Variants in BRINP3 observed in about 807,000 individuals in gnomAD.
BRINP3 encodes the protein BMP/retinoic acid-inducible neural-specific protein 3.
BRINP3 carries 19 observed loss-of-function variants against 71.0 expected under a neutral mutation model. The ratio of observed to expected loss-of-function variants is 0.27; its 90% CI spans 0.19 to 0.39. The LOEUF is 0.39. BRINP3 is among the 10% of genes least tolerant of loss of function. The pLI, the probability that BRINP3 is intolerant of heterozygous loss-of-function variation, is 1.00. For missense variants in BRINP3, 959 were observed against 940.8 expected, an observed-to-expected ratio of 1.02 and a Z score of -0.25; for synonymous variants, 380 against 337.7, an observed-to-expected ratio of 1.13 and a Z score of -1.37.
chr1:190,302,801 G>A (rs944020660), intron 2 of BRINP3: 1 of 151,702 alleles, frequency 6.6e-6, no homozygotes, highest in African/African-American at 2.4e-5. Flanking sequence ...GGTAAGTGCT[G>A]TATATATTTA....
At chr1:190,192,815 T>C (rs1395087725) in intron 6 of BRINP3, among the ~76,000 whole-genome samples, 1 of 152,140 alleles carries the variant, frequency 6.6e-6, no homozygotes, top group African/African-American at 2.4e-5. Context: ...GGTTGGGCTT[T>C]GATTCACATG....
chr1:190,207,630 C>T (rs978879027), intron 6 of BRINP3, among the ~76,000 whole-genome samples: 12 of 151,864 alleles, frequency 7.9e-5, no homozygotes, highest in African/African-American at 2.2e-4. Flanking sequence ...TGGAGAAGGT[C>T]GAAAGGACAT....
At chr1:190,301,242 T>C (rs202240069) in intron 2 of BRINP3, among the ~76,000 whole-genome samples, 4,415 of 110,800 alleles carry the variant, frequency 0.04, 100 homozygotes, top group South Asian at 0.089. Context: ...TATACACACA[T>C]ACATATATAT....
At chr1:190,441,380 C>T (rs1674809381) in intron 2 of BRINP3, among the ~76,000 whole-genome samples, 1 of 152,072 alleles carries the variant, frequency 6.6e-6, no homozygotes, top group Non-Finnish European at 1.5e-5. Context: ...CTATATCTCA[C>T]ATCTGTCCAA....
rs547701968 is a variant in BRINP3 at position 190,215,797 on chromosome 1, G to A, written c.961+10285C>T. On this transcript the variant is annotated intron_variant, in intron 6 of 7. Coordinates refer to ENST00000367462, the MANE Select transcript of BRINP3 (RefSeq NM_199051.3). ...AATGTCTCTACATTTAATAGGACACGATGCTGATAAAGACATATGTTGACA... is the reference window on the plus strand; with the variant it reads ...AATGTCTCTACATTTAATAGGACACAATGCTGATAAAGACATATGTTGACA... 2.5e-3 allele frequency among the ~76,000 whole-genome samples: 376 copies of A among 151,940 alleles called. 1 individual carries two copies. The highest frequency in any genetic ancestry group is 8.7e-3 in the African/African-American group (363 of 41,532).
At chr1:190,123,229 T>C (rs954279635) in intron 7 of BRINP3, among the ~76,000 whole-genome samples, 1 of 152,100 alleles carries the variant, frequency 6.6e-6, no homozygotes, top group African/African-American at 2.4e-5. Flanking sequence ...TCAGCAGTGA[T>C]GAAAACCCAT....
At chr1:190,375,867 T>A (rs1670152626) in intron 2 of BRINP3, among the ~76,000 whole-genome samples, 1 of 152,072 alleles carries the variant, frequency 6.6e-6, no homozygotes, top group Admixed American at 6.6e-5. Context: ...TTAGTGATTT[T>A]GTTTTTCCAT....
intron 1 of BRINP3, among the ~76,000 whole-genome samples, chr1:190,468,781 TGA>T (rs997498606): frequency 1.3e-5 from 2 of 150,942 alleles, no homozygotes; most frequent in Non-Finnish European, 3.0e-5. Flanking sequence ...CACTCAAAAG[TGA>T]GTTAGTTGCA....
intron 2 of BRINP3, among the ~76,000 whole-genome samples, chr1:190,454,118 A>G (rs1675830033): frequency 6.6e-6 from 1 of 152,212 alleles, no homozygotes; most frequent in Non-Finnish European, 1.5e-5. Flanking sequence ...ATATATCTTT[A>G]TCCCATCCAT....
At chr1:190,188,628 T>C (rs1033533557) in intron 6 of BRINP3, among the ~76,000 whole-genome samples, 1 of 152,170 alleles carries the variant, frequency 6.6e-6, no homozygotes, top group Non-Finnish European at 1.5e-5. Context: ...TTTTCTTTTC[T>C]GTTCAGCTAA....
intron 3 of BRINP3, among the ~76,000 whole-genome samples, chr1:190,268,430 C>A (rs1661833838): frequency 6.6e-6 from 1 of 151,954 alleles, no homozygotes; most frequent in African/African-American, 2.4e-5. Flanking sequence ...AATATAGGAT[C>A]CTAAGCATAA....
chr1:190,274,597 A>AT (rs1016107663), intron 3 of BRINP3, among the ~76,000 whole-genome samples: 11 of 151,790 alleles, frequency 7.2e-5, no homozygotes, highest in Admixed American at 6.6e-4. Context: ...AAGATGGTCC[A>AT]TTTTTTGGCA....
intron 6 of BRINP3, among the ~76,000 whole-genome samples, chr1:190,219,813 G>C (rs1463351722): frequency 6.6e-6 from 1 of 151,328 alleles, no homozygotes; most frequent in Non-Finnish European, 1.5e-5. Context: ...ACTCCAGCCT[G>C]GGTGACAGAG....
chr1:190,200,255 G>T (rs1276043310), intron 6 of BRINP3, among the ~76,000 whole-genome samples: 1 of 151,624 alleles, frequency 6.6e-6, no homozygotes, highest in African/African-American at 2.4e-5. Flanking sequence ...TCAATAAATA[G>T]CTAAATTTGT....
intron 6 of BRINP3, among the ~76,000 whole-genome samples, chr1:190,223,810 A>T (rs1411518869): frequency 6.6e-6 from 1 of 151,918 alleles, no homozygotes; most frequent in African/African-American, 2.4e-5. Flanking sequence ...TGATAAAAAC[A>T]TTCAGTAAAG....
chr1:190,430,123 G>C (rs1015361218), intron 2 of BRINP3, among the ~76,000 whole-genome samples: 1 of 152,080 alleles, frequency 6.6e-6, no homozygotes, highest in Non-Finnish European at 1.5e-5. Flanking sequence ...GAAGACGTCA[G>C]CATTAATCAC....
chr1:190,310,433 A>G (rs1350267832), intron 2 of BRINP3, among the ~76,000 whole-genome samples: 1 of 151,728 alleles, frequency 6.6e-6, no homozygotes, highest in Non-Finnish European at 1.5e-5. Context: ...GGTATTTCTA[A>G]GGCTAATATG....
In BRINP3 at chr1:190,098,479, G is replaced by A; in HGVS notation, c.1840C>T (p.Leu614=). 6.2e-7 allele frequency: 1 copy of A among 1,614,086 alleles called. No homozygotes were observed. Among genetic ancestry groups the A allele is most frequent in the Non-Finnish European group, 8.5e-7 (1 of 1,180,012 alleles). The change falls in exon 8 of 8, where the codon CTG becomes TTG. Residue 614 remains leucine (L), a synonymous_variant. Coordinates refer to ENST00000367462, the MANE Select transcript of BRINP3 (RefSeq NM_199051.3). ...AAAAATGTCTTCCATTTGTTCCCCA[G>A]AGTTAATGTCCAGTTATAACACTGC... is the stretch of plus-strand genomic sequence containing the variant. ...PLQCYNWTLT[L]GNKWKTFFET...
intron 2 of BRINP3, among the ~76,000 whole-genome samples, chr1:190,408,818 G>A (rs542201512): frequency 6.6e-6 from 1 of 152,182 alleles, no homozygotes; most frequent in Non-Finnish European, 1.5e-5. Context: ...TCAACCTCCA[G>A]ATGTTAACCA....
Sources: gnomAD v4.1 joint callset for allele counts (sites outside exome capture counted in the v4.1 genomes callset) on GRCh38, gnomAD v4.1.1 for gene constraint, MANE v1.5 for transcripts, NCBI Gene and HGNC (gene_info 2026-07-23, HGNC 2026-07-21) for gene names.